The following LRP6 variants were observed in gnomAD, a reference collection of about 807,000 sequenced individuals.
LRP6 encodes the protein LDL receptor related protein 6.
Under a neutral mutation model 184.1 loss-of-function variants are expected in LRP6, and 43 were observed. The ratio of observed to expected loss-of-function variants is 0.23; its 90% CI spans 0.18 to 0.30. The LOEUF is 0.30. Ranked by LOEUF, LRP6 falls within the 10% of genes least tolerant of loss-of-function variation. LRP6 has a pLI of 1.00. For synonymous variants in LRP6, 719 were observed against 684.9 expected (o/e 1.05, Z -0.78); for missense variants, 1,571 against 2,005.3 (o/e 0.78, Z 4.14).
At chr12:12,239,742 C>T (rs1269094652) in intron 2 of LRP6, among the ~76,000 whole-genome samples, 3 of 151,074 alleles carry the variant, frequency 2.0e-5, no homozygotes, top group African/African-American at 7.3e-5. Flanking sequence ...CAATCTTCTA[C>T]TAAGGATGAA....
rs375132066 is a variant in LRP6, at chr12:12,150,891, T to A, written c.2939A>T (p.Tyr980Phe). Residue 980 changes from tyrosine to phenylalanine, a missense_variant, in exon 13 of 23, where the codon TAT becomes TTT. By Grantham distance (22) the Tyr-to-Phe change is conservative (BLOSUM62 3). Coordinates refer to ENST00000261349, the MANE Select transcript of LRP6 (RefSeq NM_002336.3). ...CATGTTTTGTCGTGAGTCAATCCAA[T>A]AGAGTTGCTTGTCCAGTGGGTCATA... is the stretch of plus-strand genomic sequence containing the variant. ...IDYDPLDKQL[Y>F]WIDSRQNMIR... 1.2e-6 allele frequency: 2 copies of A among 1,614,114 alleles called. No homozygotes were observed. The highest frequency in any genetic ancestry group is 1.1e-5 in the South Asian group (1 of 91,078).
At chr12:12,196,584 TAAG>T (rs1863768312) in intron 3 of LRP6, among the ~76,000 whole-genome samples, 1 of 152,164 alleles carries the variant, frequency 6.6e-6, no homozygotes, top group Admixed American at 6.5e-5. Context: ...TGATCAGTTC[TAAG>T]AATTTTTTTT....
chr12:12,242,682 C>T (rs1865096160), intron 2 of LRP6, among the ~76,000 whole-genome samples: 1 of 152,206 alleles, frequency 6.6e-6, no homozygotes, highest in African/African-American at 2.4e-5. Flanking sequence ...ATCGTTTTTC[C>T]TACGATCAGA....
At chr12:12,175,924 A>G (rs190468653) in intron 7 of LRP6, among the ~76,000 whole-genome samples, 1 of 152,050 alleles carries the variant, frequency 6.6e-6, no homozygotes, top group East Asian at 1.9e-4. Context: ...CATGGCAAAA[A>G]TGCTTTAAAC....
chr12:12,219,852 C>T (rs1325950171), intron 2 of LRP6, among the ~76,000 whole-genome samples: 2 of 152,128 alleles, frequency 1.3e-5, no homozygotes, highest in African/African-American at 4.8e-5. Flanking sequence ...AAACCAACCC[C>T]GACTTTGAAA....
chr12:12,141,162 A>T (rs1949928857), intron 15 of LRP6, among the ~76,000 whole-genome samples: 1 of 151,948 alleles, frequency 6.6e-6, no homozygotes, highest in East Asian at 1.9e-4. Flanking sequence ...AGGGGAAAAG[A>T]AGGGAATGAT....
intron 2 of LRP6, among the ~76,000 whole-genome samples, chr12:12,205,633 C>A (rs960909333): frequency 1.3e-5 from 2 of 152,166 alleles, no homozygotes; most frequent in East Asian, 1.9e-4. Flanking sequence ...CTTAAGCAAC[C>A]CTACAAAATA....
intron 14 of LRP6, 88 bp from the exon 15 acceptor site, chr12:12,147,644 G>A: frequency 2.8e-6 from 3 of 1,061,858 alleles, no homozygotes; most frequent in African/African-American, 1.6e-5. Flanking sequence ...TGGAGGTAGA[G>A]TATTTTTAAG....
intron 3 of LRP6, among the ~76,000 whole-genome samples, chr12:12,192,491 A>C (rs376601331): frequency 6.6e-6 from 1 of 152,040 alleles, no homozygotes; most frequent in Non-Finnish European, 1.5e-5. Flanking sequence ...TAGACTGAAT[A>C]AAGCAAAGGT....
chr12:12,216,063 T>C (rs911945074), intron 2 of LRP6, among the ~76,000 whole-genome samples: 2 of 152,150 alleles, frequency 1.3e-5, no homozygotes, highest in African/African-American at 4.8e-5. Flanking sequence ...TGTATCTGCC[T>C]AATTGCTTCA....
rs1179728346 is a variant in LRP6, at chr12:12,190,161, C to G, written c.648-3042G>C. 2.0e-5 allele frequency among the ~76,000 whole-genome samples: 3 copies of G among 152,228 alleles called. No homozygotes were observed. In the East Asian group the frequency reaches 5.8e-4, roughly 29 times the overall value. ...GTGATATAATGATTTGTCCAGCCAA[C>G]TATGACTTGTTCCTGAAAGTAGGGA... is the stretch of plus-strand genomic sequence containing the variant. On this transcript the variant is annotated intron_variant, in intron 3 of 22. Coordinates refer to ENST00000261349, the MANE Select transcript of LRP6 (RefSeq NM_002336.3).
At chr12:12,129,606 A>C (rs112090998) in intron 19 of LRP6, among the ~76,000 whole-genome samples, 45 of 152,056 alleles carry the variant, frequency 3.0e-4, no homozygotes, top group African/African-American at 1.1e-3. Context: ...AGGTTGGAGT[A>C]CAATGGCACG....
chr12:12,154,631 G>A (rs1950126579), intron 12 of LRP6, among the ~76,000 whole-genome samples: 1 of 152,166 alleles, frequency 6.6e-6, no homozygotes, highest in African/African-American at 2.4e-5. Context: ...TCGGAAGATT[G>A]AGGTGGGAGG....
At chr12:12,148,374 T>C (rs1286232919) in intron 14 of LRP6, among the ~76,000 whole-genome samples, 1 of 152,164 alleles carries the variant, frequency 6.6e-6, no homozygotes. Context: ...TTTCATCCTT[T>C]TCCTCTCTTT....
At chr12:12,144,403 G>T (rs948146258) in intron 15 of LRP6, among the ~76,000 whole-genome samples, 5 of 152,152 alleles carry the variant, frequency 3.3e-5, no homozygotes, top group African/African-American at 1.2e-4. Flanking sequence ...CAGAACTTTG[G>T]GAGGCCAAGG....
At chr12:12,246,641 G>A (rs1411301875) in intron 1 of LRP6, among the ~76,000 whole-genome samples, 2 of 150,962 alleles carry the variant, frequency 1.3e-5, no homozygotes, top group Non-Finnish European at 2.9e-5. Context: ...AGGCTGCAGT[G>A]AGCCTGGGTG....
chr12:12,176,742 A>G (rs1430022303), intron 7 of LRP6, among the ~76,000 whole-genome samples: 1 of 152,018 alleles, frequency 6.6e-6, no homozygotes, highest in East Asian at 1.9e-4. Flanking sequence ...CAAGACACAT[A>G]GGTTTACTAT....
chr12:12,168,583 G>A (rs1591908405), intron 7 of LRP6, among the ~76,000 whole-genome samples: 1 of 152,284 alleles, frequency 6.6e-6, no homozygotes, highest in East Asian at 1.9e-4. Context: ...GGTTCTGAAA[G>A]CACTTTAAGC....
chr12:12,248,129 G>A (rs2135924688), intron 1 of LRP6, among the ~76,000 whole-genome samples: 1 of 152,186 alleles, frequency 6.6e-6, no homozygotes, highest in South Asian at 2.1e-4. Context: ...TCTCAAATGA[G>A]AAGATGGCCT....
Sources: allele counts gnomAD v4.1 joint callset (sites outside exome capture counted in the v4.1 genomes callset), GRCh38; gene constraint gnomAD v4.1.1; transcripts MANE v1.5; gene names NCBI Gene and HGNC (gene_info 2026-07-23, HGNC 2026-07-21).